SPATA7: variants seen among roughly 807,000 people sequenced by gnomAD.
The protein encoded by SPATA7 is spermatogenesis-associated protein 7.
In SPATA7, 43 loss-of-function variants were observed where a neutral mutation model predicts 51.8. That is an observed-to-expected ratio of 0.83 (90% confidence interval 0.65 to 1.07). The LOEUF (loss-of-function observed/expected upper bound fraction) is 1.07, where lower values mean the gene tolerates loss of function less well. SPATA7 is among the 50% of genes least tolerant of loss of function. SPATA7 has a pLI of 0.00. For missense variants in SPATA7, 683 were observed against 701.3 expected (o/e 0.97, Z 0.30); for synonymous variants, 230 against 252.8 (o/e 0.91, Z 0.86).
chr14:88,465,447 A>G (rs2077350650), intron 4 of SPATA7, among the ~76,000 whole-genome samples: 1 of 152,224 alleles, frequency 6.6e-6, no homozygotes, highest in South Asian at 2.1e-4. Flanking sequence ...AGCCTGGGCA[A>G]TAGAGCAAGA....
At chr14:88,405,208 G>C (rs1299210685) in intron 4 of SPATA7, among the ~76,000 whole-genome samples, 2 of 152,178 alleles carry the variant, frequency 1.3e-5, no homozygotes, top group Non-Finnish European at 2.9e-5. Context: ...TGTGTAGCTA[G>C]TATGGAATAA....
chr14:88,444,856 G>A (rs2077200938), intron 3 of SPATA7, among the ~76,000 whole-genome samples: 2 of 152,090 alleles, frequency 1.3e-5, no homozygotes, highest in South Asian at 2.1e-4. Flanking sequence ...CTCTGTTTTG[G>A]TACCAGTACC....
downstream of SPATA7, among the ~76,000 whole-genome samples, chr14:88,459,615 T>C (rs1033578541): frequency 6.6e-6 from 1 of 152,170 alleles, no homozygotes; most frequent in Non-Finnish European, 1.5e-5. Flanking sequence ...AGTCTCTGCA[T>C]GTGAGATGGG....
intron 9 of SPATA7, among the ~76,000 whole-genome samples, chr14:88,432,440 T>C (rs183825289): frequency 4.6e-4 from 70 of 152,330 alleles, no homozygotes; most frequent in Non-Finnish European, 7.6e-4. Flanking sequence ...TAATTTCAGC[T>C]AATTAAAATC....
At chr14:88,448,647 GT>G (rs2077230672) in intron 3 of SPATA7, among the ~76,000 whole-genome samples, 3 of 152,162 alleles carry the variant, frequency 2.0e-5, no homozygotes, top group Admixed American at 2.0e-4. Context: ...TGATGGTGAT[GT>G]ACAGATGTGT....
chr14:88,408,043 A>G (rs1331227378), intron 4 of SPATA7, among the ~76,000 whole-genome samples: 3 of 152,166 alleles, frequency 2.0e-5, no homozygotes, highest in African/African-American at 7.2e-5. Context: ...AGGTAGTGTG[A>G]TGCCTCCAGC....
chr14:88,463,411 CACTTA>C (rs535143246), intron 4 of SPATA7, among the ~76,000 whole-genome samples: 1 of 151,970 alleles, frequency 6.6e-6, no homozygotes, highest in Non-Finnish European at 1.5e-5. Flanking sequence ...ATAAAACAGA[CACTTA>C]ACTTCAGTTG....
rs528577974 is a variant in SPATA7, at chr14:88,450,699, C to G, written c.178-4361C>G. Among the ~76,000 whole-genome samples, 3 of 152,248 alleles carry G rather than the reference C, an allele frequency of 2.0e-5. No homozygotes were observed. The South Asian group carries it at 6.2e-4, about 32-fold the overall frequency. On this transcript the variant is annotated intron_variant, in intron 3 of 3. Coordinates refer to the SPATA7 transcript ENST00000554802. ...CTGATAGGTTATCTTTTATAGGTTA[C>G]CTGATGCTTTTGCCGCATAGCTCTT...
intron 3 of SPATA7, among the ~76,000 whole-genome samples, chr14:88,394,298 T>C (rs1233771561): frequency 6.6e-6 from 1 of 152,072 alleles, no homozygotes; most frequent in African/African-American, 2.4e-5. Context: ...CCTCAAAGAG[T>C]TCCCCCTAGT....
At position 88,411,850 on chromosome 14, in the gene SPATA7, TG is replaced by T. The variant is rs200237272; in HGVS notation, c.239-4853del. Among the ~76,000 whole-genome samples, 18 of 151,940 alleles carry T rather than the reference TG, an allele frequency of 1.2e-4. No homozygotes were observed. In the South Asian group the frequency reaches 1.5e-3, roughly 12 times the overall value. On this transcript the variant is annotated intron_variant, in intron 4 of 11. Transcript: ENST00000393545. The stretch of plus-strand genomic sequence containing the variant: ...GTGTCTTTTTGGTAGAATGATTTTT[TG>T]GGGGGGGTTTATACATGGTAATGGG...
chr14:88,459,534 T>A (rs2077303999), downstream of SPATA7, among the ~76,000 whole-genome samples: 1 of 152,196 alleles, frequency 6.6e-6, no homozygotes, highest in African/African-American at 2.4e-5. Context: ...GAGACTAGGA[T>A]TGCAACCCCT....
downstream of SPATA7, among the ~76,000 whole-genome samples, chr14:88,440,043 A>C (rs115588783): frequency 3.5e-3 from 532 of 151,838 alleles, 3 homozygotes; most frequent in African/African-American, 0.012. Flanking sequence ...TTACCCCTCT[A>C]GTTGCTTCTT....
chr14:88,459,613 C>T (rs1595320452), downstream of SPATA7, among the ~76,000 whole-genome samples: 1 of 152,122 alleles, frequency 6.6e-6, no homozygotes, highest in East Asian at 1.9e-4. Flanking sequence ...TGAGTCTCTG[C>T]ATGTGAGATG....
intron 4 of SPATA7, among the ~76,000 whole-genome samples, chr14:88,399,438 T>G (rs1317715506): frequency 6.6e-6 from 1 of 152,200 alleles, no homozygotes; most frequent in African/African-American, 2.4e-5. Flanking sequence ...AGTAGAGACT[T>G]CTTAGTACAT....
At chr14:88,433,263 T>A in intron 10 of SPATA7, 51 bp downstream of exon 10, 1 of 1,172,886 alleles carries the variant, frequency 8.5e-7, no homozygotes, top group African/African-American at 1.5e-5. Flanking sequence ...TTAAATATTC[T>A]TCATATTTCT....
chr14:88,446,445 A>C (rs1308502936), intron 3 of SPATA7, among the ~76,000 whole-genome samples: 5 of 151,548 alleles, frequency 3.3e-5, no homozygotes, highest in East Asian at 2.0e-4. Context: ...CTCCTGGATT[A>C]ATTAATTTTT....
intron 9 of SPATA7, chr14:88,432,891 T>A (rs1417573205): frequency 2.3e-6 from 1 of 432,670 alleles, no homozygotes; most frequent in Admixed American, 4.0e-5. Flanking sequence ...TTTTTACTGC[T>A]ATGGATGTTG....
At chr14:88,402,977 A>C (rs954486425) in intron 4 of SPATA7, among the ~76,000 whole-genome samples, 2 of 150,920 alleles carry the variant, frequency 1.3e-5, no homozygotes, top group African/African-American at 4.8e-5. Context: ...AAAAAAAAAA[A>C]AAAAAACCCA....
chr14:88,430,779 TG>T (rs2076918170), intron 8 of SPATA7, among the ~76,000 whole-genome samples: 1 of 152,074 alleles, frequency 6.6e-6, no homozygotes, highest in South Asian at 2.1e-4. Flanking sequence ...AATCAGTAAA[TG>T]GGAAAAATAA....
Sources: gnomAD v4.1 joint callset for allele counts (sites outside exome capture counted in the v4.1 genomes callset) on GRCh38, gnomAD v4.1.1 for gene constraint, MANE v1.5 for transcripts, NCBI Gene and HGNC (gene_info 2026-07-23, HGNC 2026-07-21) for gene names.